Variants in TCF4 observed in about 807,000 individuals in gnomAD.
TCF4 encodes the protein transcription factor 4, also known as SL3-3 enhancer factor 2.
In TCF4, 3 loss-of-function variants were observed where a neutral mutation model predicts 82.1. That is an observed-to-expected ratio of 0.04 (90% CI 0.02 to 0.09). TCF4 has a LOEUF of 0.09. TCF4 is among the 10% of genes least tolerant of loss of function. The pLI is 1.00. For synonymous variants in TCF4, 276 were observed against 309.6 expected, an observed-to-expected ratio of 0.89 and a Z score of 1.14; for missense variants, 518 against 852.7, an observed-to-expected ratio of 0.61 and a Z score of 4.89.
intron 5 of TCF4, among the ~76,000 whole-genome samples, chr18:55,443,744 G>A (rs1406514486): frequency 1.3e-5 from 2 of 152,162 alleles, no homozygotes; most frequent in African/African-American, 4.8e-5. Context: ...TCCAGAAAGA[G>A]ATACTGAAAG....
chr18:55,474,372 G>A (rs1043189432), intron 3 of TCF4, among the ~76,000 whole-genome samples: 1 of 152,116 alleles, frequency 6.6e-6, no homozygotes, highest in East Asian at 1.9e-4. Context: ...AAGTCATCCG[G>A]TCAACTGTAG....
chr18:55,627,426 G>A (rs1457595643), intron 2 of TCF4, among the ~76,000 whole-genome samples: 1 of 152,106 alleles, frequency 6.6e-6, no homozygotes, highest in Non-Finnish European at 1.5e-5. Flanking sequence ...GGGTACAATG[G>A]CAATGCAGGA....
intron 6 of TCF4, among the ~76,000 whole-genome samples, chr18:55,392,338 G>T (rs1366179244): frequency 6.6e-6 from 1 of 151,434 alleles, no homozygotes; most frequent in East Asian, 2.0e-4. Flanking sequence ...GCTACTACAA[G>T]CCAGGCATGG....
At chr18:55,285,343 CT>C (rs2063455322) in intron 8 of TCF4, among the ~76,000 whole-genome samples, 1 of 152,132 alleles carries the variant, frequency 6.6e-6, no homozygotes, top group African/African-American at 2.4e-5. Flanking sequence ...ATGAACCATT[CT>C]TGTGAGGATT....
intron 3 of TCF4, among the ~76,000 whole-genome samples, chr18:55,542,621 T>G (rs987665182): frequency 6.6e-6 from 1 of 151,938 alleles, no homozygotes; most frequent in Non-Finnish European, 1.5e-5. Context: ...TGCCCACCAT[T>G]TAGATTTTTA....
chr18:55,388,562 G>T (rs1480289879), intron 6 of TCF4, among the ~76,000 whole-genome samples: 2 of 152,130 alleles, frequency 1.3e-5, no homozygotes, highest in East Asian at 1.9e-4. Flanking sequence ...GCAGACAGAG[G>T]TCTCAGCCTG....
At chr18:55,539,625 T>C (rs2146924042) in intron 3 of TCF4, among the ~76,000 whole-genome samples, 1 of 152,160 alleles carries the variant, frequency 6.6e-6, no homozygotes, top group East Asian at 1.9e-4. Flanking sequence ...ACTTATCCAC[T>C]GTGGACAAGT....
chr18:55,254,185 G>C (rs540827374), intron 15 of TCF4, among the ~76,000 whole-genome samples: 2 of 152,326 alleles, frequency 1.3e-5, no homozygotes, highest in Non-Finnish European at 2.9e-5. Context: ...TAAATCTATA[G>C]ACATAGGAAG....
At chr18:55,234,765 A>G in intron 15 of TCF4, 82 bp from the exon 16 acceptor site, 1 of 1,605,488 alleles carries the variant, frequency 6.2e-7, no homozygotes, top group Non-Finnish European at 8.5e-7. Context: ...GGACCTGATG[A>G]AGGCTGGCTT....
chr18:55,377,627 T>A (rs1048263143), intron 6 of TCF4, among the ~76,000 whole-genome samples: 7 of 152,250 alleles, frequency 4.6e-5, no homozygotes, highest in African/African-American at 1.4e-4. Flanking sequence ...CAGATTAACC[T>A]GGCTATTTCA....
chr18:55,269,702 G>C lies in TCF4; in HGVS notation c.922+129C>G. The stretch of plus-strand genomic sequence containing the variant: ...TTACTTCTGTTTGGTACATTTGTGT[G>C]TTCATTCTGTCATGTGACTAATATT... On this transcript the variant is annotated intron_variant, in intron 11 of 19. Transcript: ENST00000354452. 3 of 1,216,286 alleles carry C rather than the reference G, an allele frequency of 2.5e-6. No homozygotes were observed. In the South Asian group the frequency reaches 4.0e-5, roughly 16 times the overall value. The allele number at this position is 1,216,286 out of a possible 1,614,324, so 75.3% of individuals were successfully genotyped here. A position where few individuals can be genotyped will look rare whatever the true frequency, so the allele number is the denominator to read the frequency against.
intron 5 of TCF4, among the ~76,000 whole-genome samples, chr18:55,420,744 T>C (rs2094708072): frequency 6.6e-6 from 1 of 152,178 alleles, no homozygotes; most frequent in Non-Finnish European, 1.5e-5. Context: ...CTGCCATCAC[T>C]TCCTCATTTA....
intron 6 of TCF4, chr18:55,402,342 C>T (rs996227466): frequency 1.3e-5 from 6 of 461,282 alleles, no homozygotes; most frequent in African/African-American, 2.1e-5. Flanking sequence ...CTCATAGGCT[C>T]GATTTAATTA....
At chr18:55,310,023 T>C (rs2071785625) in intron 8 of TCF4, among the ~76,000 whole-genome samples, 1 of 152,228 alleles carries the variant, frequency 6.6e-6, no homozygotes, top group Non-Finnish European at 1.5e-5. Context: ...AATTTTCTTT[T>C]CAGTTGCTCA....
chr18:55,491,175 C>T (rs1226281137), intron 3 of TCF4, among the ~76,000 whole-genome samples: 1 of 152,008 alleles, frequency 6.6e-6, no homozygotes, highest in Non-Finnish European at 1.5e-5. Flanking sequence ...TCTATGCAGT[C>T]CTTCTTTTAG....
At chr18:55,284,364 A>T (rs1406237422) in intron 8 of TCF4, 2 of 152,172 alleles carry the variant, frequency 1.3e-5, no homozygotes, top group Non-Finnish European at 2.9e-5. Flanking sequence ...GTGAGCCGAG[A>T]TCGTGCCATT....
intron 2 of TCF4, chr18:55,586,309 A>G (rs1243017371): frequency 1.3e-6 from 1 of 753,800 alleles, no homozygotes; most frequent in Non-Finnish European, 2.2e-6. Flanking sequence ...TTACAAATGC[A>G]TCTTACACCA....
At chr18:55,445,603 A>G (rs540109639) in intron 5 of TCF4, among the ~76,000 whole-genome samples, 14 of 152,224 alleles carry the variant, frequency 9.2e-5, no homozygotes, top group African/African-American at 3.4e-4. Flanking sequence ...CCTTCCCACA[A>G]TATGTGGGGA....
intron 3 of TCF4, among the ~76,000 whole-genome samples, chr18:55,472,580 A>G (rs1360667682): frequency 6.6e-6 from 1 of 152,210 alleles, no homozygotes; most frequent in Non-Finnish European, 1.5e-5. Flanking sequence ...CTCAAGCAAG[A>G]GTATAACGTG....
Sources: gnomAD v4.1 joint callset for allele counts (sites outside exome capture counted in the v4.1 genomes callset) on GRCh38, gnomAD v4.1.1 for gene constraint, MANE v1.5 for transcripts, NCBI Gene and HGNC (gene_info 2026-07-23, HGNC 2026-07-21) for gene names.